Variants in TARS3 observed in about 807,000 individuals in gnomAD.
TARS3 encodes the protein threonine--tRNA ligase 2, cytoplasmic.
A neutral mutation model predicts 103.5 loss-of-function variants in TARS3; 94 were observed. The observed-to-expected ratio is 0.91, with a 90% CI of 0.77 to 1.08. The LOEUF (loss-of-function observed/expected upper bound fraction) is 1.08, where lower values mean the gene tolerates loss of function less well. Among genes scored for constraint, TARS3 ranks in the 50% least tolerant of loss-of-function variants. The pLI is 0.00. For missense variants in TARS3, 952 were observed against 995.2 expected (o/e 0.96, Z 0.58); for synonymous variants, 416 against 355.4 (o/e 1.17, Z -1.92).
In TARS3 at chr15:101,685,891, C is replaced by G; in HGVS notation, c.1487+5G>C. 2 of 1,610,702 alleles carry G rather than the reference C, an allele frequency of 1.2e-6. No individual in the cohort carries two copies. Among genetic ancestry groups the G allele is most frequent in the Non-Finnish European group, 1.7e-6 (2 of 1,177,966 alleles). On this transcript the variant is annotated splice_donor_5th_base_variant and intron_variant, in intron 11 of 18. Coordinates refer to ENST00000335968, the MANE Select transcript of TARS3 (RefSeq NM_152334.3). ...GAAAAGGTCTGCTTCGCTTTTAATA[C>G]TCACCAGTGCCCTGGACAATTCATG...
chr15:101,712,511 T>G (rs1360884985), intron 4 of TARS3, among the ~76,000 whole-genome samples: 1 of 152,172 alleles, frequency 6.6e-6, no homozygotes, highest in South Asian at 2.1e-4. Flanking sequence ...TTGAATAGCA[T>G]GTGACTGTGG....
At chr15:101,691,736 G>A (rs778482619) in intron 10 of TARS3, among the ~76,000 whole-genome samples, 3 of 152,110 alleles carry the variant, frequency 2.0e-5, no homozygotes, top group Non-Finnish European at 4.4e-5. Context: ...ATATAATTTT[G>A]TTAACTTTAG....
At chr15:101,675,513 T>C in intron 13 of TARS3, 87 bp downstream of exon 13, 1 of 1,331,042 alleles carries the variant, frequency 7.5e-7, no homozygotes, top group Non-Finnish European at 1.0e-6. Context: ...CTATTACAAA[T>C]TATTGCATCC....
At chr15:101,709,564 C>T (rs986245720) in intron 5 of TARS3, among the ~76,000 whole-genome samples, 1 of 152,220 alleles carries the variant, frequency 6.6e-6, no homozygotes, top group Non-Finnish European at 1.5e-5. Context: ...GGCTTCAATG[C>T]CACCTGCTCC....
At chr15:101,673,037 C>A in intron 13 of TARS3, among the ~76,000 whole-genome samples, 1 of 152,112 alleles carries the variant, frequency 6.6e-6, no homozygotes, top group East Asian at 1.9e-4. Flanking sequence ...CTGCCAGAGC[C>A]GAGAGAGCAT....
intron 1 of TARS3, among the ~76,000 whole-genome samples, 182 bp downstream of exon 1, chr15:101,723,909 C>A (rs893417527): frequency 1.3e-5 from 2 of 152,000 alleles, no homozygotes; most frequent in African/African-American, 4.8e-5. Context: ...TGCTGGAAAT[C>A]CGGCGGCTCC....
intron 7 of TARS3, among the ~76,000 whole-genome samples, chr15:101,704,913 T>C (rs1425795348): frequency 1.3e-5 from 2 of 152,168 alleles, no homozygotes; most frequent in African/African-American, 4.8e-5. Flanking sequence ...TGATTTTACT[T>C]ACAGTACAAT....
In TARS3 at chr15:101,695,397, G is replaced by A. The variant is rs935572506; in HGVS notation, c.1320+5689C>T. Among the ~76,000 whole-genome samples, 4 of 152,296 alleles carry A rather than the reference G, an allele frequency of 2.6e-5. No homozygotes were observed. In the East Asian group the frequency reaches 5.8e-4, roughly 22 times the overall value. On this transcript the variant is annotated intron_variant, in intron 10 of 18. Transcript: ENST00000335968. ...TTATCTGGCTTAGTACGATGCTTTC[G>A]AGGTTCCTCCTTCATGTGTATATCA...
chr15:101,688,168 A>T (rs950963067), intron 10 of TARS3, among the ~76,000 whole-genome samples: 8 of 152,252 alleles, frequency 5.3e-5, no homozygotes, highest in African/African-American at 1.7e-4. Flanking sequence ...TTTGTCTCTC[A>T]CACACACATA....
rs1190261005 is a variant in TARS3 at position 101,654,622 on chromosome 15, A to G, written c.2369T>C (p.Leu790Pro). 1 of 1,614,114 alleles carries G rather than the reference A, an allele frequency of 6.2e-7. No homozygotes were observed. Among genetic ancestry groups the G allele is most frequent in the Non-Finnish European group, 8.5e-7 (1 of 1,180,006 alleles). The part of the protein sequence containing the change: ...VTSAIDKLKN[L>P]RKTRTLNAEE... ...AGCATTGAGTGTCCGTGTCTTCCTG[A>G]GATTCTTCAGTTTATCAATGGCAGA... The change falls in exon 19 of 19, where the codon CTC becomes CCC. Residue 790 changes from leucine to proline, a missense_variant. By Grantham distance (98) the Leu-to-Pro change is moderately conservative. Transcript: ENST00000335968.
chr15:101,688,373 C>T (rs2141411228), intron 10 of TARS3, among the ~76,000 whole-genome samples: 1 of 152,220 alleles, frequency 6.6e-6, no homozygotes, highest in African/African-American at 2.4e-5. Flanking sequence ...AAAGAGTAAA[C>T]TCTCAGTGAC....
In TARS3 at chr15:101,666,953, G is replaced by C. The variant is rs1043971561; in HGVS notation, c.1967+4533C>G. ...TAGTGTGTAGTATGCCTTCCAAAAT[G>C]AATTTTTAAATAACAAGACTTGAAA... On this transcript the variant is annotated intron_variant, in intron 15 of 18. Coordinates refer to ENST00000335968, the MANE Select transcript of TARS3 (RefSeq NM_152334.3). Among the ~76,000 whole-genome samples, 8 of 152,176 alleles carry C rather than the reference G, an allele frequency of 5.3e-5. No individual in the cohort carries two copies. In the South Asian group the frequency reaches 1.7e-3, roughly 32 times the overall value.
chr15:101,654,830 T>A, intron 18 of TARS3, 100 bp from the exon 19 acceptor site: 1 of 1,131,244 alleles, frequency 8.8e-7, no homozygotes, highest in Non-Finnish European at 1.3e-6. Context: ...TTTTCTTCAC[T>A]AATATTAAAT....
At chr15:101,704,563 G>A (rs1348301416) in intron 7 of TARS3, among the ~76,000 whole-genome samples, 1 of 151,770 alleles carries the variant, frequency 6.6e-6, no homozygotes, top group African/African-American at 2.4e-5. Flanking sequence ...GCTGAGGCAG[G>A]AGAATCACTT....
At chr15:101,690,808 A>T (rs748861620) in intron 10 of TARS3, among the ~76,000 whole-genome samples, 1 of 152,228 alleles carries the variant, frequency 6.6e-6, no homozygotes, top group African/African-American at 2.4e-5. Context: ...CCTTTCTAAG[A>T]ATATTGCTAG....
intron 10 of TARS3, among the ~76,000 whole-genome samples, chr15:101,698,380 T>TA (rs199842569): frequency 8.0e-5 from 12 of 150,884 alleles, no homozygotes; most frequent in Non-Finnish European, 1.5e-4. Context: ...TTTTTTTTTT[T>TA]AAAAAAGAAA....
chr15:101,661,845 C>T (rs1897393163), intron 15 of TARS3, 29 bp from the exon 16 acceptor site: 1 of 1,384,190 alleles, frequency 7.2e-7, no homozygotes, highest in Non-Finnish European at 9.9e-7. Flanking sequence ...ACATTTAAGT[C>T]TTTTCCTAAG....
intron 4 of TARS3, among the ~76,000 whole-genome samples, chr15:101,714,262 C>G (rs1405830323): frequency 1.3e-5 from 2 of 152,024 alleles, no homozygotes; most frequent in South Asian, 4.1e-4. Context: ...TTCAAACACA[C>G]ATTGATTTAA....
intron 16 of TARS3, among the ~76,000 whole-genome samples, chr15:101,658,923 G>A (rs1897277525): frequency 6.6e-6 from 1 of 152,134 alleles, no homozygotes; most frequent in Admixed American, 6.5e-5. Context: ...CTCCTGAGTA[G>A]CTGGGATTAC....
Sources: allele counts gnomAD v4.1 joint callset (sites outside exome capture counted in the v4.1 genomes callset), GRCh38; gene constraint gnomAD v4.1.1; transcripts MANE v1.5; gene names NCBI Gene and HGNC (gene_info 2026-07-23, HGNC 2026-07-21).